C1QTNF7: variants seen among roughly 807,000 people sequenced by gnomAD.
C1QTNF7 encodes C1q and TNF related 7.
A neutral mutation model predicts 19.6 loss-of-function variants in C1QTNF7; 15 were observed. That is an observed-to-expected ratio of 0.76 (90% confidence interval 0.51 to 1.18). The LOEUF is 1.18. C1QTNF7 is among the 50% of genes most tolerant of loss of function. C1QTNF7 has a pLI of 0.00. For synonymous variants in C1QTNF7, 142 were observed against 137.5 expected (o/e 1.03, Z -0.23); for missense variants, 324 against 359.7 (o/e 0.90, Z 0.80).
At position 15,442,248 on chromosome 4, in the gene C1QTNF7, G is replaced by C; in HGVS notation, c.319G>C (p.Gly107Arg). ...QGETGKKGPI[G>R]PEGEKGEVGP... ...AGAGACTGGGAAGAAAGGACCCATAGGACCAGAGGGAGAGAAAGGAGAAGT... is the reference window on the plus strand; with the variant it reads ...AGAGACTGGGAAGAAAGGACCCATACGACCAGAGGGAGAGAAAGGAGAAGT... The change falls in exon 3 of 3, where the codon GGA (glycine) becomes CGA (arginine). Residue 107 changes from glycine to arginine, a missense_variant. Transcript: ENST00000444304. 1 of 1,614,122 alleles carries C rather than the reference G, an allele frequency of 6.2e-7. No homozygotes were observed. Among genetic ancestry groups the C allele is most frequent in the South Asian group, 1.1e-5 (1 of 91,076 alleles).
chr4:15,372,282 A>G (rs527703355), intron 1 of C1QTNF7, among the ~76,000 whole-genome samples: 1 of 152,322 alleles, frequency 6.6e-6, no homozygotes, highest in South Asian at 2.1e-4. Context: ...ATGAGGTCAT[A>G]GGATGGGTCC....
At chr4:15,365,243 T>C (rs377563270) in intron 1 of C1QTNF7, among the ~76,000 whole-genome samples, 17 of 151,474 alleles carry the variant, frequency 1.1e-4, no homozygotes, top group Non-Finnish European at 1.8e-4. Flanking sequence ...AGAGATCTCT[T>C]TTTTTTTTCA....
intron 1 of C1QTNF7, among the ~76,000 whole-genome samples, chr4:15,371,461 C>T (rs983038642): frequency 1.3e-5 from 2 of 152,182 alleles, no homozygotes; most frequent in African/African-American, 2.4e-5. Context: ...ATGTTAGTGT[C>T]CTAATGGCTG....
intron 1 of C1QTNF7, among the ~76,000 whole-genome samples, chr4:15,433,668 A>G (rs1289734031): frequency 2.6e-5 from 4 of 152,192 alleles, no homozygotes; most frequent in African/African-American, 9.6e-5. Flanking sequence ...TAGCAGACAA[A>G]TAAGTGAGAA....
chr4:15,433,593 C>A (rs1396717044), intron 1 of C1QTNF7, among the ~76,000 whole-genome samples: 1 of 152,106 alleles, frequency 6.6e-6, no homozygotes. Context: ...TACTCTAGCC[C>A]ATCTTCTCTT....
chr4:15,404,207 AG>A (rs1431295907), intron 1 of C1QTNF7, among the ~76,000 whole-genome samples: 2 of 152,256 alleles, frequency 1.3e-5, no homozygotes, highest in East Asian at 3.8e-4. Context: ...ATTTTTAAAA[AG>A]ACCAAAACCA....
chr4:15,341,405 A>T (rs1368031794), intron 1 of C1QTNF7, among the ~76,000 whole-genome samples: 1 of 152,092 alleles, frequency 6.6e-6, no homozygotes, highest in African/African-American at 2.4e-5. Flanking sequence ...GTCTGTGTCA[A>T]ATTCTAGTTA....
chr4:15,364,639 C>T (rs1717447822), intron 1 of C1QTNF7, among the ~76,000 whole-genome samples: 1 of 152,172 alleles, frequency 6.6e-6, no homozygotes, highest in South Asian at 2.1e-4. Flanking sequence ...AATAACTTCA[C>T]ATATAATAAA....
chr4:15,414,066 G>A (rs1017749620), intron 1 of C1QTNF7, among the ~76,000 whole-genome samples: 13 of 152,284 alleles, frequency 8.5e-5, no homozygotes, highest in African/African-American at 3.1e-4. Context: ...CCTCACTCAT[G>A]GCAGCTATTC....
At chr4:15,440,678 T>A (rs1712722077) in intron 2 of C1QTNF7, among the ~76,000 whole-genome samples, 2 of 152,042 alleles carry the variant, frequency 1.3e-5, no homozygotes, top group South Asian at 4.1e-4. Flanking sequence ...AGTGCTGGGA[T>A]TACAGGCGTG....
At chr4:15,439,611 G>A (rs1417716323) in intron 2 of C1QTNF7, among the ~76,000 whole-genome samples, 7 of 152,008 alleles carry the variant, frequency 4.6e-5, no homozygotes, top group Admixed American at 1.3e-4. Flanking sequence ...GAAATGACTC[G>A]CCCAAAATTT....
At chr4:15,408,904 T>A (rs943867110) in intron 1 of C1QTNF7, among the ~76,000 whole-genome samples, 1 of 152,178 alleles carries the variant, frequency 6.6e-6, no homozygotes, top group Admixed American at 6.5e-5. Flanking sequence ...ACCTTGATCT[T>A]AGAATTCCCA....
chr4:15,395,440 C>T (rs374236031), intron 1 of C1QTNF7, among the ~76,000 whole-genome samples: 20 of 152,152 alleles, frequency 1.3e-4, no homozygotes, highest in African/African-American at 4.6e-4. Context: ...CAGTCAAATG[C>T]CAGAGCATCA....
At chr4:15,395,211 C>T (rs1177207058) in intron 1 of C1QTNF7, among the ~76,000 whole-genome samples, 2 of 152,014 alleles carry the variant, frequency 1.3e-5, no homozygotes, top group East Asian at 3.9e-4. Context: ...AGTCTGATGG[C>T]TTTGGAGCAT....
At chr4:15,441,620 T>C (rs1712758437) in intron 2 of C1QTNF7, among the ~76,000 whole-genome samples, 1 of 152,256 alleles carries the variant, frequency 6.6e-6, no homozygotes, top group Admixed American at 6.5e-5. Flanking sequence ...TAGTTAATTA[T>C]GTTAAATTTG....
At chr4:15,386,861 G>A (rs1053593932) in intron 1 of C1QTNF7, among the ~76,000 whole-genome samples, 1 of 152,160 alleles carries the variant, frequency 6.6e-6, no homozygotes, top group Non-Finnish European at 1.5e-5. Flanking sequence ...GTTGGGAGAG[G>A]CAGGCCACGG....
chr4:15,404,054 AT>A (rs1719093981), intron 1 of C1QTNF7, among the ~76,000 whole-genome samples: 2 of 152,274 alleles, frequency 1.3e-5, no homozygotes, highest in African/African-American at 2.4e-5. Context: ...CAATGAATCT[AT>A]TTTAGGCATT....
chr4:15,345,318 T>C (rs554939461), intron 1 of C1QTNF7, among the ~76,000 whole-genome samples: 9 of 152,334 alleles, frequency 5.9e-5, no homozygotes, highest in Admixed American at 4.6e-4. Flanking sequence ...CAAGCCCTGC[T>C]TGGGGACTAG....
intron 1 of C1QTNF7, among the ~76,000 whole-genome samples, chr4:15,371,454 T>A (rs1717721513): frequency 6.6e-6 from 1 of 152,232 alleles, no homozygotes; most frequent in Non-Finnish European, 1.5e-5. Flanking sequence ...GCTTTTCATG[T>A]TAGTGTCCTA....
Sources: allele counts gnomAD v4.1 joint callset (sites outside exome capture counted in the v4.1 genomes callset), GRCh38; gene constraint gnomAD v4.1.1; transcripts MANE v1.5; gene names NCBI Gene and HGNC (gene_info 2026-07-23, HGNC 2026-07-21).